ARHGEF12: variants seen among roughly 807,000 people sequenced by gnomAD.
The protein encoded by ARHGEF12 is KMT2A/ARHGEF12 fusion protein.
Under a neutral mutation model 211.2 loss-of-function variants are expected in ARHGEF12, and 66 were observed. That is an observed-to-expected ratio of 0.31 (90% CI 0.26 to 0.38). ARHGEF12 has a LOEUF of 0.38. Among genes scored for constraint, ARHGEF12 ranks in the 10% least tolerant of loss-of-function variants. The pLI, the probability that ARHGEF12 is intolerant of heterozygous loss-of-function variation, is 1.00. For missense variants in ARHGEF12, 1,429 were observed against 1,869.5 expected, an observed-to-expected ratio of 0.76 and a Z score of 4.34; for synonymous variants, 592 against 638.4, an observed-to-expected ratio of 0.93 and a Z score of 1.09.
intron 4 of ARHGEF12, among the ~76,000 whole-genome samples, chr11:120,412,434 T>G (rs935535866): frequency 3.9e-5 from 6 of 152,246 alleles, no homozygotes; most frequent in Admixed American, 6.5e-5. Context: ...AAGATCAGGA[T>G]GTCAGTGTGA....
intron 39 of ARHGEF12, among the ~76,000 whole-genome samples, chr11:120,483,445 A>G (rs865824554): frequency 1.3e-5 from 2 of 148,786 alleles, no homozygotes; most frequent in Non-Finnish European, 3.0e-5. Context: ...TTTTTTTTAA[A>G]TGGAGTCTCG....
At chr11:120,346,580 G>T (rs1942728493) in intron 1 of ARHGEF12, among the ~76,000 whole-genome samples, 1 of 152,196 alleles carries the variant, frequency 6.6e-6, no homozygotes, top group Admixed American at 6.5e-5. Context: ...AACAGATAAG[G>T]CTGTATAATC....
intron 1 of ARHGEF12, among the ~76,000 whole-genome samples, chr11:120,345,701 C>CAAAA (rs34619240): frequency 2.6e-4 from 20 of 78,278 alleles, no homozygotes; most frequent in South Asian, 6.0e-4. Flanking sequence ...GACTCCGTCT[C>CAAAA]AAAAAAAAAA....
chr11:120,469,030 C>T (rs1946790489), intron 29 of ARHGEF12, among the ~76,000 whole-genome samples: 1 of 152,108 alleles, frequency 6.6e-6, no homozygotes, highest in Non-Finnish European at 1.5e-5. Context: ...TAAAGCATCT[C>T]TTCTTGGATT....
intron 1 of ARHGEF12, among the ~76,000 whole-genome samples, chr11:120,379,353 A>G (rs1215761900): frequency 6.6e-6 from 1 of 151,988 alleles, no homozygotes; most frequent in Non-Finnish European, 1.5e-5. Context: ...ATGTTATTAA[A>G]AAGTTTTACT....
At chr11:120,396,301 A>G (rs770284658) in intron 1 of ARHGEF12, among the ~76,000 whole-genome samples, 1 of 152,236 alleles carries the variant, frequency 6.6e-6, no homozygotes, top group Non-Finnish European at 1.5e-5. Flanking sequence ...CAAATAGTAT[A>G]CGTAGATTCC....
At chr11:120,413,848 T>G (rs1473158120) in intron 4 of ARHGEF12, among the ~76,000 whole-genome samples, 2 of 152,350 alleles carry the variant, frequency 1.3e-5, no homozygotes, top group East Asian at 3.9e-4. Flanking sequence ...GAAGAAAGAC[T>G]AATGTGCTTT....
intron 21 of ARHGEF12, chr11:120,449,481 A>G (rs1429192668): frequency 2.0e-5 from 7 of 346,048 alleles, no homozygotes; most frequent in Non-Finnish European, 3.7e-5. Context: ...CAGGCGGATC[A>G]CAAGTTCAGG....
chr11:120,487,063 G>T lies in ARHGEF12; in HGVS notation c.*1986G>T, dbSNP rs537698578. 2 of 216,864 alleles carry T rather than the reference G, an allele frequency of 9.2e-6. No individual in the cohort carries two copies. The highest frequency in any genetic ancestry group is 6.8e-5 in the East Asian group (1 of 14,732). The allele number at this position is 216,864 out of a possible 1,614,324, so 13.4% of individuals were successfully genotyped here. On this transcript the variant is annotated 3_prime_UTR_variant, in exon 41 of 41. Coordinates refer to ENST00000397843, the MANE Select transcript of ARHGEF12 (RefSeq NM_015313.3). ...AATAATGTCATTCTCAATTAAAAGG[G>T]TTACACCTGTAGCCACTTGACACTA...
chr11:120,387,667 C>A (rs1944081449), intron 1 of ARHGEF12, among the ~76,000 whole-genome samples: 1 of 152,076 alleles, frequency 6.6e-6, no homozygotes, highest in Middle Eastern at 3.2e-3. Flanking sequence ...ATAGAACTTG[C>A]TAACCATAGG....
At chr11:120,350,629 A>T (rs1024494165) in intron 1 of ARHGEF12, among the ~76,000 whole-genome samples, 1 of 145,678 alleles carries the variant, frequency 6.9e-6, no homozygotes, top group Non-Finnish European at 1.6e-5. Flanking sequence ...TTTCTATCAC[A>T]TACTGTCTTT....
In ARHGEF12 at chr11:120,382,872, G is replaced by A. The variant is rs375534589; in HGVS notation, c.33-23246G>A. 2.0e-5 allele frequency among the ~76,000 whole-genome samples: 3 copies of A among 152,198 alleles called. No homozygotes were observed. The South Asian group carries it at 6.2e-4, about 32-fold the overall frequency. On this transcript the variant is annotated intron_variant, in intron 1 of 40. Coordinates refer to ENST00000397843, the MANE Select transcript of ARHGEF12 (RefSeq NM_015313.3). Reference sequence around the variant, plus strand: ...AGGCAGTAAGGGGGCCGGGCGAGGCGGTTCACGCCTGTAATCCCAGCACTT... The same window carrying A: ...AGGCAGTAAGGGGGCCGGGCGAGGCAGTTCACGCCTGTAATCCCAGCACTT...
intron 1 of ARHGEF12, among the ~76,000 whole-genome samples, chr11:120,354,232 A>G (rs1943071452): frequency 6.6e-6 from 1 of 152,160 alleles, no homozygotes; most frequent in South Asian, 2.1e-4. Context: ...AATTACAGAT[A>G]GGAAAGATAA....
chr11:120,406,202 C>A, intron 2 of ARHGEF12, 61 bp downstream of exon 2: 1 of 1,168,650 alleles, frequency 8.6e-7, no homozygotes, highest in Non-Finnish European at 1.2e-6. Flanking sequence ...TATAAGCATC[C>A]CTTTGAAATT....
rs1591604735 is a variant in ARHGEF12, at chr11:120,448,039, A to T, written c.1622+133A>T. The T allele has an allele frequency of 3.7e-6, 3 of 815,522 alleles. No individual in the cohort carries two copies. The South Asian group carries it at 5.8e-5, about 16-fold the overall frequency. The allele number at this position is 815,522 out of a possible 1,614,324, so 50.5% of individuals were successfully genotyped here. A position where few individuals can be genotyped will look rare whatever the true frequency, so the allele number is the denominator to read the frequency against. On this transcript the variant is annotated intron_variant, in intron 19 of 40. Coordinates refer to ENST00000397843, the MANE Select transcript of ARHGEF12 (RefSeq NM_015313.3). ...TTGTGGTCTCTCTCTGGTGGCTTGT[A>T]TGTTATTTGACTAATATTCTACTGT...
intron 1 of ARHGEF12, among the ~76,000 whole-genome samples, chr11:120,388,053 A>G (rs921903229): frequency 5.3e-5 from 8 of 152,194 alleles, no homozygotes; most frequent in African/African-American, 1.7e-4. Context: ...ATTCACCCCA[A>G]AGGTTTCCTT....
chr11:120,360,743 G>A (rs1943254735), intron 1 of ARHGEF12, among the ~76,000 whole-genome samples: 1 of 152,024 alleles, frequency 6.6e-6, no homozygotes, highest in South Asian at 2.1e-4. Flanking sequence ...GAACTTCATT[G>A]TATTGTTATA....
At chr11:120,360,758 GA>G (rs1478676081) in intron 1 of ARHGEF12, among the ~76,000 whole-genome samples, 1 of 152,014 alleles carries the variant, frequency 6.6e-6, no homozygotes, top group African/African-American at 2.4e-5. Context: ...GTTATAAATA[GA>G]AAACCAGTAT....
chr11:120,447,174 G>A, intron 18 of ARHGEF12, 89 bp downstream of exon 18: 1 of 1,430,840 alleles, frequency 7.0e-7, no homozygotes, highest in Non-Finnish European at 9.4e-7. Context: ...TAGAAAAACT[G>A]TCAGATTGTG....
Sources: allele counts gnomAD v4.1 joint callset (sites outside exome capture counted in the v4.1 genomes callset), GRCh38; gene constraint gnomAD v4.1.1; transcripts MANE v1.5; gene names NCBI Gene and HGNC (gene_info 2026-07-23, HGNC 2026-07-21).